Variants in PDE8B observed in about 807,000 individuals in gnomAD.
PDE8B encodes the protein high affinity cAMP-specific and IBMX-insensitive 3',5'-cyclic phosphodiesterase 8B.
In PDE8B, 26 loss-of-function variants were observed where a neutral mutation model predicts 101.3. The observed-to-expected ratio is 0.26, with a 90% CI of 0.19 to 0.36. The LOEUF is 0.36. PDE8B is among the 10% of genes least tolerant of loss of function. The pLI, the probability that PDE8B is intolerant of heterozygous loss-of-function variation, is 1.00. For missense variants in PDE8B, 810 were observed against 1,163.1 expected (o/e 0.70, Z 4.42); for synonymous variants, 424 against 429.3 (o/e 0.99, Z 0.15).
chr5:77,415,995 G>A (rs1389152486), intron 17 of PDE8B, among the ~76,000 whole-genome samples: 1 of 152,142 alleles, frequency 6.6e-6, no homozygotes, highest in Non-Finnish European at 1.5e-5. Flanking sequence ...CTGGAATTTC[G>A]CCAGTTGCGG....
chr5:77,325,492 C>G, intron 2 of PDE8B, 47 bp from the exon 3 acceptor site: 1 of 1,559,850 alleles, frequency 6.4e-7, no homozygotes, highest in Non-Finnish European at 8.8e-7. Context: ...TTAATAGTCT[C>G]TATGGATGAT....
chr5:77,319,674 G>T (rs1373509197), intron 2 of PDE8B, among the ~76,000 whole-genome samples: 1 of 152,186 alleles, frequency 6.6e-6, no homozygotes, highest in Non-Finnish European at 1.5e-5. Flanking sequence ...ACATAAATGA[G>T]GACAGCGGTG....
intron 1 of PDE8B, among the ~76,000 whole-genome samples, chr5:77,272,336 A>C (rs1762968906): frequency 1.3e-5 from 2 of 152,108 alleles, no homozygotes. Flanking sequence ...ACCTTGGTTG[A>C]CTCTGGTTGT....
At chr5:77,208,747 A>T (rs1747710882), upstream of PDE8B, among the ~76,000 whole-genome samples, 1 of 152,162 alleles carries the variant, frequency 6.6e-6, no homozygotes, top group Admixed American at 6.5e-5. Flanking sequence ...GGCTCAGCTG[A>T]CATCTCCTAG....
intron 19 of PDE8B, among the ~76,000 whole-genome samples, chr5:77,421,156 G>A (rs1796556304): frequency 6.6e-6 from 1 of 152,138 alleles, no homozygotes; most frequent in Non-Finnish European, 1.5e-5. Context: ...TCTAAACATG[G>A]CTGAACACAC....
At chr5:77,171,070 C>G in the PDE8B span, among the ~76,000 whole-genome samples, 1 of 152,096 alleles carries the variant, frequency 6.6e-6, no homozygotes, top group African/African-American at 2.4e-5. Context: ...AGAAAATGCT[C>G]CAAGTATCTA....
At chr5:77,416,926 T>C (rs918720317) in intron 17 of PDE8B, among the ~76,000 whole-genome samples, 1 of 152,154 alleles carries the variant, frequency 6.6e-6, no homozygotes, top group African/African-American at 2.4e-5. Flanking sequence ...GTCGCTTACG[T>C]TTCCTGAACA....
chr5:77,252,093 G>A (rs987957968), intron 1 of PDE8B, among the ~76,000 whole-genome samples: 27 of 152,180 alleles, frequency 1.8e-4, no homozygotes, highest in African/African-American at 6.5e-4. Flanking sequence ...TGAGTGTGGG[G>A]TGTTGTCTGG....
chr5:77,407,493 G>GGGCCC (rs1323732843), intron 13 of PDE8B, 36 bp downstream of exon 13: 1 of 1,465,782 alleles, frequency 6.8e-7, no homozygotes. Context: ...CTGCAGTCAG[G>GGGCCC]GGCCCTCACA....
At chr5:77,391,506 G>A (rs1309257790) in intron 10 of PDE8B, among the ~76,000 whole-genome samples, 4 of 152,210 alleles carry the variant, frequency 2.6e-5, no homozygotes, top group Admixed American at 6.5e-5. Context: ...AGCTCAAAAT[G>A]CCAAATTATA....
At chr5:77,127,049 A>G in the PDE8B span, among the ~76,000 whole-genome samples, 1 of 152,180 alleles carries the variant, frequency 6.6e-6, no homozygotes, top group Non-Finnish European at 1.5e-5. Context: ...TCCCAGGTCA[A>G]TAAATTCACC....
At chr5:77,200,284 T>C in the PDE8B span, among the ~76,000 whole-genome samples, 1 of 152,192 alleles carries the variant, frequency 6.6e-6, no homozygotes, top group African/African-American at 2.4e-5. Context: ...CATCTTCAAA[T>C]AGAACAGCAT....
At chr5:77,400,777 G>C (rs1196892327) in intron 11 of PDE8B, among the ~76,000 whole-genome samples, 1 of 152,188 alleles carries the variant, frequency 6.6e-6, no homozygotes, top group Non-Finnish European at 1.5e-5. Flanking sequence ...TGTTGGGCAA[G>C]ACTCTGCTTG....
chr5:77,269,666 G>C (rs961616659), intron 1 of PDE8B, among the ~76,000 whole-genome samples: 3 of 152,122 alleles, frequency 2.0e-5, no homozygotes, highest in African/African-American at 4.8e-5. Flanking sequence ...GTGAGAGATA[G>C]GGTTCTAGTT....
At chr5:77,235,475 G>A (rs185607745) in intron 1 of PDE8B, among the ~76,000 whole-genome samples, 94 of 152,238 alleles carry the variant, frequency 6.2e-4, no homozygotes, top group Non-Finnish European at 7.5e-4. Context: ...TGCAGATCAA[G>A]GATTAGGAGA....
Position 77,409,022 on chromosome 5 carries a change from C to T in PDE8B, c.1495C>T (p.Pro499Ser). Reference sequence around the variant, plus strand: ...TCAGCTGGGTACCAAAGATGAAGATCCCCACACCAGTGATCTTGTTGGAGG... The same window carrying T: ...TCAGCTGGGTACCAAAGATGAAGATTCCCACACCAGTGATCTTGTTGGAGG... ...SPQLGTKDED[P>S]HTSDLVGGLM... The change falls in exon 14 of 22, where the codon CCC becomes TCC. Residue 499 changes from proline to serine, a missense_variant. This residue lies in a region of PDE8B where 325 missense variants were observed against 560.9 expected (regional missense o/e 0.58). Transcript: ENST00000264917. The T allele has an allele frequency of 6.2e-7, 1 of 1,613,800 alleles. No individual in the cohort carries two copies. The highest frequency in any genetic ancestry group is 8.5e-7 in the Non-Finnish European group (1 of 1,179,708).
At chr5:77,396,033 G>A (rs1406061018) in intron 10 of PDE8B, among the ~76,000 whole-genome samples, 3 of 152,218 alleles carry the variant, frequency 2.0e-5, no homozygotes, top group African/African-American at 7.2e-5. Context: ...GTAGTGAGCT[G>A]GGGATCGTGC....
chr5:77,228,909 A>G lies in PDE8B; in HGVS notation c.339+17645A>G, dbSNP rs182944653. On this transcript the variant is annotated intron_variant, in intron 1 of 21. Coordinates refer to ENST00000264917, the MANE Select transcript of PDE8B (RefSeq NM_003719.5). The stretch of plus-strand genomic sequence containing the variant: ...GATTAAAGTAGTGCAATAGGAGGGC[A>G]TACATTTTAATTTTACAATTAGGAA... Among the ~76,000 whole-genome samples the G allele has an allele frequency of 9.2e-5, 14 of 152,348 alleles. No individual in the cohort carries two copies. In the East Asian group the frequency reaches 2.5e-3, roughly 27 times the overall value.
the PDE8B span, chr5:77,113,731 A>G: frequency 1.3e-5 from 2 of 152,376 alleles, no homozygotes; most frequent in South Asian, 4.1e-4. Flanking sequence ...CAAGCAACCT[A>G]CAGAATGGGA....
Sources: allele counts gnomAD v4.1 joint callset (sites outside exome capture counted in the v4.1 genomes callset), GRCh38; gene constraint gnomAD v4.1.1; regional missense constraint gnomAD v4.1.1; transcripts MANE v1.5; gene names NCBI Gene and HGNC (gene_info 2026-07-23, HGNC 2026-07-21).